ATP13A2: variants seen among roughly 807,000 people sequenced by gnomAD.
ATP13A2 encodes the protein ATPase cation transporting 13A2.
Under a neutral mutation model 138.3 loss-of-function variants are expected in ATP13A2, and 83 were observed. That is an observed-to-expected ratio of 0.60 (90% CI 0.50 to 0.72). The LOEUF (loss-of-function observed/expected upper bound fraction) is 0.72, where lower values mean the gene tolerates loss of function less well. Among genes scored for constraint, ATP13A2 ranks in the 30% least tolerant of loss-of-function variants. ATP13A2 has a pLI of 0.00. For synonymous variants in ATP13A2, 663 were observed against 699.0 expected (o/e 0.95, Z 0.81); for missense variants, 1,402 against 1,606.4 (o/e 0.87, Z 2.17).
At chr1:16,997,570 G>A (rs1448503355) in intron 11 of ATP13A2, among the ~76,000 whole-genome samples, 6 of 152,202 alleles carry the variant, frequency 3.9e-5, no homozygotes, top group Middle Eastern at 3.4e-3. Context: ...GGCCAGATGC[G>A]GTGGCTCACG....
Position 16,986,563 on chromosome 1 carries a change from A to G in ATP13A2, c.3305T>C (p.Leu1102Pro). The change falls in exon 28 of 29, where the codon CTG (leucine) becomes CCG (proline). Residue 1102 changes from leucine to proline, a missense_variant. Physicochemically the swap from Leu to Pro is moderately conservative, Grantham distance 98. Coordinates refer to ENST00000326735, the MANE Select transcript of ATP13A2 (RefSeq NM_022089.4). This position sits in a 1 kb window ranked among gnomAD's most constrained non-coding sequence, Gnocchi z 6.9. The stretch of plus-strand genomic sequence containing the variant: ...GTTCCTCAGCGCCAGCGGCCCCTGC[A>G]GGAGGCCGGGGACCAGGACAAGGCC... ...LVGLVLVPGLLQGPLALRNIT... is the reference protein window; with the variant it reads ...LVGLVLVPGLPQGPLALRNIT... 6.2e-7 allele frequency: 1 copy of G among 1,612,314 alleles called. No homozygotes were observed. The highest frequency in any genetic ancestry group is 8.5e-7 in the Non-Finnish European group (1 of 1,179,800).
At chr1:17,002,444 C>G in intron 6 of ATP13A2, 71 bp from the exon 7 acceptor site, 1 of 1,543,588 alleles carries the variant, frequency 6.5e-7, no homozygotes, top group Non-Finnish European at 8.8e-7. Flanking sequence ...CCTGTGCAGG[C>G]TGGAGACTAT....
rs770782719 is a variant in ATP13A2, at chr1:17,002,307, G to C, written c.624C>G (p.Asp208Glu). ...HRSRHGLSLQ[D>E]QMVRKAIYGP... is the part of the protein sequence containing the mutation. ...AGGGCAGCACTGACCTCACCATTTG[G>C]TCCTGGAGGCTGAGGCCATGGCGGG... Residue 208 changes from aspartate to glutamate, a missense_variant, in exon 7 of 29, where the codon GAC becomes GAG. By Grantham distance (45) the Asp-to-Glu change is conservative (BLOSUM62 2). Coordinates refer to ENST00000326735, the MANE Select transcript of ATP13A2 (RefSeq NM_022089.4). 6.2e-7 allele frequency: 1 copy of C among 1,613,656 alleles called. No homozygotes were observed. Among genetic ancestry groups the C allele is most frequent in the South Asian group, 1.1e-5 (1 of 90,902 alleles).
chr1:16,996,351 G>T, intron 13 of ATP13A2, 35 bp downstream of exon 13: 1 of 1,613,478 alleles, frequency 6.2e-7, no homozygotes, highest in Non-Finnish European at 8.5e-7. Flanking sequence ...GGTGGGGGGG[G>T]CTATGGGCAG....
chr1:17,005,891 T>G, intron 1 of ATP13A2, 113 bp from the exon 2 acceptor site: 1 of 999,528 alleles, frequency 1.0e-6, no homozygotes, highest in Middle Eastern at 3.0e-4. Flanking sequence ...TCCCAGCACT[T>G]TGGGAGGCCG....
Position 16,996,318 on chromosome 1 carries a change from G to C in ATP13A2, c.1307-18C>G. 1 of 1,614,094 alleles carries C rather than the reference G, an allele frequency of 6.2e-7. No homozygotes were observed. The highest frequency in any genetic ancestry group is 8.5e-7 in the Non-Finnish European group (1 of 1,180,034). On this transcript the variant is annotated intron_variant, in intron 13 of 28. Coordinates refer to ENST00000326735, the MANE Select transcript of ATP13A2 (RefSeq NM_022089.4). ...GAGGAGAGCTGTGGGGACAGCGAAG[G>C]ACTGAGTGGGATTTGGGACCCAGGT...
intron 12 of ATP13A2, 184 bp downstream of exon 12, chr1:16,996,836 A>G: frequency 1.2e-6 from 1 of 806,184 alleles, no homozygotes; most frequent in Non-Finnish European, 2.0e-6. Flanking sequence ...AGTCTGGCCC[A>G]ACTTCTGCTA....
At chr1:17,006,759 C>G (rs1459666094) in intron 1 of ATP13A2, among the ~76,000 whole-genome samples, 2 of 152,136 alleles carry the variant, frequency 1.3e-5, no homozygotes, top group Non-Finnish European at 2.9e-5. Flanking sequence ...ATTCCATGCC[C>G]GTGCCCAGCC....
At position 16,989,633 on chromosome 1, in the gene ATP13A2, C is replaced by G. The variant is rs369871753; in HGVS notation, c.2609+58G>C. On this transcript the variant is annotated intron_variant, in intron 23 of 28. Coordinates refer to ENST00000326735, the MANE Select transcript of ATP13A2 (RefSeq NM_022089.4). ...CCCTGGGGAAGGACAGATGAACAGA[C>G]GAACGGACAAGCTCAGTCTCCGCAG... The G allele has an allele frequency of 1.1e-4, 175 of 1,565,418 alleles. 1 individual carries two copies. The African/African-American group carries it at 2.2e-3, about 19-fold the overall frequency.
rs1047946760 is a variant in ATP13A2, at chr1:16,997,579, C to T, written c.1040-404G>A. Among the ~76,000 whole-genome samples the T allele has an allele frequency of 3.3e-5, 5 of 152,224 alleles. No homozygotes were observed. In the South Asian group the frequency reaches 8.3e-4, roughly 25 times the overall value. ...ACAAGGGGCCAGATGCGGTGGCTCA[C>T]GCCTGTAATCCCAACACTTTGGGAG... On this transcript the variant is annotated intron_variant, in intron 11 of 28. Transcript: ENST00000326735.
intron 25 of ATP13A2, 132 bp from the exon 26 acceptor site, chr1:16,987,401 G>A (rs534533159): frequency 3.1e-5 from 27 of 879,522 alleles, no homozygotes; most frequent in African/African-American, 2.2e-4. Flanking sequence ...AATGGGGGCC[G>A]TACTCTCCTG....
intron 19 of ATP13A2, 34 bp downstream of exon 19, chr1:16,991,975 T>C (rs1397922079): frequency 6.2e-7 from 1 of 1,609,768 alleles, no homozygotes; most frequent in Admixed American, 1.7e-5. Context: ...CTCTGCCTAG[T>C]CCTCAGAGTG....
chr1:16,994,853 G>A (rs1408047815), intron 15 of ATP13A2, among the ~76,000 whole-genome samples: 6 of 151,770 alleles, frequency 4.0e-5, no homozygotes, highest in Non-Finnish European at 7.4e-5. Context: ...CAGTAGAGAC[G>A]GGGTTTCACC....
At chr1:17,001,150 G>A (rs1037343461) in intron 8 of ATP13A2, among the ~76,000 whole-genome samples, 1 of 151,764 alleles carries the variant, frequency 6.6e-6, no homozygotes, top group Non-Finnish European at 1.5e-5. Context: ...AGGTGCGGTG[G>A]CTCATGCCTA....
chr1:17,005,761 C>T lies in ATP13A2; in HGVS notation c.28G>A (p.Gly10Ser), dbSNP rs1162022004. Residue 10 changes from glycine (G) to serine (S), a missense_variant, in exon 2 of 29, where the codon GGC becomes AGC. Coordinates refer to ENST00000326735, the MANE Select transcript of ATP13A2 (RefSeq NM_022089.4). ...GTCCCATAACCGGTGGGCGTGCTGC[C>T]CACGAGAGGGCTGCTGTCTGTGGAC... MSADSSPLV[G>S]STPTGYGTLT... is the part of the protein sequence containing the mutation. 3 of 1,611,728 alleles carry T rather than the reference C, an allele frequency of 1.9e-6. No homozygotes were observed. The highest frequency in any genetic ancestry group is 2.5e-6 in the Non-Finnish European group (3 of 1,179,052).
At chr1:17,008,151 A>G (rs1259276018) in intron 1 of ATP13A2, among the ~76,000 whole-genome samples, 2 of 151,882 alleles carry the variant, frequency 1.3e-5, no homozygotes, top group Non-Finnish European at 2.9e-5. Flanking sequence ...TTTCGTGTAT[A>G]AGTCTTTTTT....
chr1:16,986,487 G>A lies in ATP13A2; in HGVS notation c.3381C>T (p.Asn1127=), dbSNP rs770410981. ...KLLLLGLVTL[N]FVGAFMLESV... ...CCTCCAGCATGAAGGCCCCCACGAA[G>A]TTGAGGGTGACCAGACCCAGCAGCA... The change falls in exon 28 of 29, where the codon AAC becomes AAT. Residue 1127 remains asparagine, a synonymous_variant. Transcript: ENST00000326735. This position sits in a 1 kb window ranked among gnomAD's most constrained non-coding sequence, Gnocchi z 6.9. 1 of 1,612,566 alleles carries A rather than the reference G, an allele frequency of 6.2e-7. No individual in the cohort carries two copies. The highest frequency in any genetic ancestry group is 2.2e-5 in the East Asian group (1 of 44,872).
At chr1:16,990,685 AT>A (rs35726919) in intron 20 of ATP13A2, among the ~76,000 whole-genome samples, 3 of 151,298 alleles carry the variant, frequency 2.0e-5, no homozygotes, top group Non-Finnish European at 4.4e-5. Flanking sequence ...CACCAGGCTA[AT>A]TTTTTTTGCA....
At position 17,011,824 on chromosome 1, in the gene ATP13A2, G is replaced by A; in HGVS notation, c.-86C>T. 1.8e-6 allele frequency: 2 copies of A among 1,110,404 alleles called. No homozygotes were observed. Among genetic ancestry groups the A allele is most frequent in the Non-Finnish European group, 2.2e-6 (2 of 912,826 alleles). 68.8% of individuals were successfully genotyped at this position (1,110,404 alleles called of 1,614,324 possible). ...TGCGCAAGGCCCTGGGCGGGGGCGC[G>A]GTCCGGACGGCCCGGGGCGAGGGGC... On this transcript the variant is annotated 5_prime_UTR_variant, in exon 1 of 29. Coordinates refer to ENST00000326735, the MANE Select transcript of ATP13A2 (RefSeq NM_022089.4). This position sits in a 1 kb window ranked among gnomAD's most constrained non-coding sequence, Gnocchi z 7.3.
Sources: gnomAD v4.1 joint callset for allele counts (sites outside exome capture counted in the v4.1 genomes callset) on GRCh38, gnomAD v4.1.1 for gene constraint, Gnocchi (gnomAD v3.1) non-coding constraint, MANE v1.5 for transcripts, NCBI Gene and HGNC (gene_info 2026-07-23, HGNC 2026-07-21) for gene names.